Variants in PTK2B observed in about 807,000 individuals in gnomAD.
The protein encoded by PTK2B is protein tyrosine kinase 2 beta.
Under a neutral mutation model 142.9 loss-of-function variants are expected in PTK2B, and 71 were observed. The observed-to-expected ratio is 0.50, with a 90% CI of 0.41 to 0.61. PTK2B has a LOEUF of 0.61. PTK2B is among the 20% of genes least tolerant of loss of function. PTK2B has a pLI of 0.00. For synonymous variants in PTK2B, 519 were observed against 503.4 expected, an observed-to-expected ratio of 1.03 and a Z score of -0.42; for missense variants, 1,105 against 1,320.4, an observed-to-expected ratio of 0.84 and a Z score of 2.53.
At chr8:27,383,462 T>C (rs1807152208) in intron 1 of PTK2B, among the ~76,000 whole-genome samples, 1 of 152,006 alleles carries the variant, frequency 6.6e-6, no homozygotes, top group Admixed American at 6.5e-5. Context: ...GCCAGGCTGG[T>C]CTCGAAATGG....
At chr8:27,442,742 A>G (rs1811230803) in intron 21 of PTK2B, 133 bp from the exon 22 acceptor site, 1 of 686,134 alleles carries the variant, frequency 1.5e-6, no homozygotes, top group Non-Finnish European at 2.5e-6. Context: ...CTCTGCAGTG[A>G]AGATCGAAAC....
At chr8:27,433,604 G>T (rs1285342891) in intron 11 of PTK2B, 52 bp downstream of exon 11, 2 of 1,464,162 alleles carry the variant, frequency 1.4e-6, no homozygotes, top group Non-Finnish European at 1.9e-6. Context: ...CAGCACACCC[G>T]AGTCCCCAGA....
intron 27 of PTK2B, 70 bp downstream of exon 27, chr8:27,451,579 C>T (rs1300909430): frequency 1.2e-6 from 2 of 1,611,176 alleles, no homozygotes; most frequent in Non-Finnish European, 8.5e-7. Flanking sequence ...TCCTTGCCCA[C>T]CGCCCAGGGC....
At chr8:27,310,928 A>T, upstream of PTK2B, 2 of 1,612,560 alleles carry the variant, frequency 1.2e-6, no homozygotes, top group Non-Finnish European at 1.7e-6. Context: ...TCCGCGGTGC[A>T]GGCGGCAGAC....
At chr8:27,327,561 T>C (rs1259706354) in intron 1 of PTK2B, among the ~76,000 whole-genome samples, 1 of 152,208 alleles carries the variant, frequency 6.6e-6, no homozygotes, top group Non-Finnish European at 1.5e-5. Flanking sequence ...GTTGGCGCAA[T>C]GCTGTGAAGT....
intron 2 of PTK2B, among the ~76,000 whole-genome samples, chr8:27,415,534 G>A (rs760386105): frequency 6.6e-6 from 1 of 152,214 alleles, no homozygotes; most frequent in Non-Finnish European, 1.5e-5. Flanking sequence ...AGTGCCCATA[G>A]CAAGCACAAA....
intron 3 of PTK2B, among the ~76,000 whole-genome samples, chr8:27,318,006 T>C (rs1029081315): frequency 6.6e-6 from 1 of 152,204 alleles, no homozygotes; most frequent in Non-Finnish European, 1.5e-5. Context: ...TGGTTTTTTT[T>C]CTCTAAAGCA....
intron 30 of PTK2B, among the ~76,000 whole-genome samples, chr8:27,456,164 C>G (rs760269064): frequency 7.2e-5 from 11 of 152,224 alleles, no homozygotes; most frequent in Non-Finnish European, 1.6e-4. Flanking sequence ...TGAGCACCAG[C>G]TATGAACAGG....
At chr8:27,431,258 A>G (rs1810400215) in intron 8 of PTK2B, 140 bp from the exon 9 acceptor site, 1 of 1,535,408 alleles carries the variant, frequency 6.5e-7, no homozygotes, top group Non-Finnish European at 8.8e-7. Context: ...GGGAAGATCC[A>G]TATGGCCAGG....
intron 24 of PTK2B, among the ~76,000 whole-genome samples, chr8:27,450,247 C>T (rs964529779): frequency 6.6e-6 from 1 of 152,152 alleles, no homozygotes; most frequent in Non-Finnish European, 1.5e-5. Context: ...CCCTGTCTCT[C>T]GAAGCTTCCA....
chr8:27,331,057 A>T (rs560578369), intron 1 of PTK2B, among the ~76,000 whole-genome samples: 1 of 152,224 alleles, frequency 6.6e-6, no homozygotes, highest in East Asian at 1.9e-4. Context: ...ATGTTCTGAA[A>T]TCCACCCACA....
At chr8:27,443,791 G>C (rs370771760) in intron 22 of PTK2B, among the ~76,000 whole-genome samples, 1 of 152,120 alleles carries the variant, frequency 6.6e-6, no homozygotes, top group South Asian at 2.1e-4. Flanking sequence ...TGTCCCTCTT[G>C]CCTGGCATGT....
At chr8:27,450,104 G>A (rs1811709786) in intron 24 of PTK2B, among the ~76,000 whole-genome samples, 1 of 152,106 alleles carries the variant, frequency 6.6e-6, no homozygotes, top group African/African-American at 2.4e-5. Context: ...AATAACCCAA[G>A]CTATTATCTT....
chr8:27,323,062 T>A (rs145817644), upstream of PTK2B, among the ~76,000 whole-genome samples: 2 of 152,338 alleles, frequency 1.3e-5, no homozygotes, highest in African/African-American at 4.8e-5. Flanking sequence ...AATCACCAGC[T>A]CAACCACCTT....
At chr8:27,397,457 C>A in intron 1 of PTK2B, 91 bp from the exon 2 acceptor site, 1 of 978,294 alleles carries the variant, frequency 1.0e-6, no homozygotes, top group Non-Finnish European at 1.6e-6. Flanking sequence ...TTGTGTCTGT[C>A]TTGGAGCTCG....
At chr8:27,432,837 C>CTTTT (rs1179977776) in intron 10 of PTK2B, among the ~76,000 whole-genome samples, 1 of 151,672 alleles carries the variant, frequency 6.6e-6, no homozygotes, top group East Asian at 1.9e-4. Flanking sequence ...TTCTTTCTTT[C>CTTTT]TTTTTTTTAG....
At position 27,458,632 on chromosome 8, in the gene PTK2B, C is replaced by A; in HGVS notation, c.*123C>A. ...CAAGGGGAGTCACCTTCCCTTGCCA[C>A]TTTGCACGACGCCCTCTCCCCACCC... On this transcript the variant is annotated 3_prime_UTR_variant, in exon 31 of 31. Coordinates refer to ENST00000346049, the MANE Select transcript of PTK2B (RefSeq NM_173176.3). 1 of 987,910 alleles carries A rather than the reference C, an allele frequency of 1.0e-6. No individual in the cohort carries two copies. The highest frequency in any genetic ancestry group is 2.2e-5 in the Admixed American group (1 of 45,498). 61.2% of individuals were successfully genotyped at this position (987,910 alleles called of 1,614,324 possible). A position where few individuals can be genotyped will look rare whatever the true frequency, so the allele number is the denominator to read the frequency against.
chr8:27,451,389 C>T (rs1450555818), intron 26 of PTK2B, 96 bp from the exon 27 acceptor site: 10 of 1,571,156 alleles, frequency 6.4e-6, no homozygotes, highest in Non-Finnish European at 8.6e-6. Flanking sequence ...AATCTCTAAA[C>T]ACACAGTGGA....
intron 1 of PTK2B, among the ~76,000 whole-genome samples, chr8:27,351,466 A>G (rs1027988683): frequency 1.3e-5 from 2 of 152,136 alleles, no homozygotes; most frequent in African/African-American, 4.8e-5. Context: ...TGACTTACCT[A>G]AGGTTCCACA....
Sources: gnomAD v4.1 joint callset for allele counts (sites outside exome capture counted in the v4.1 genomes callset) on GRCh38, gnomAD v4.1.1 for gene constraint, MANE v1.5 for transcripts, NCBI Gene and HGNC (gene_info 2026-07-23, HGNC 2026-07-21) for gene names.